The following PRDM15 variants were observed in gnomAD, a reference collection of about 807,000 sequenced individuals.
The protein encoded by PRDM15 is PR/SET domain 15.
A neutral mutation model predicts 128.6 loss-of-function variants in PRDM15; 64 were observed. The ratio of observed to expected loss-of-function variants is 0.50; its 90% CI spans 0.41 to 0.61. The LOEUF (loss-of-function observed/expected upper bound fraction) is 0.61. Ranked by LOEUF, PRDM15 falls within the 20% of genes least tolerant of loss-of-function variation. PRDM15 has a pLI of 0.00. For synonymous variants in PRDM15, 615 were observed against 621.8 expected, an observed-to-expected ratio of 0.99 and a Z score of 0.16; for missense variants, 1,242 against 1,569.1, an observed-to-expected ratio of 0.79 and a Z score of 3.52.
In PRDM15 at chr21:41,810,556, A is replaced by C. The variant is rs1482752466; in HGVS notation, c.2476+197T>G. 3.1e-6 allele frequency: 2 copies of C among 644,918 alleles called. No individual in the cohort carries two copies. Among genetic ancestry groups the C allele is most frequent in the Non-Finnish European group, 5.3e-6 (2 of 375,522 alleles). The allele number at this position is 644,918 out of a possible 1,614,324, so 39.9% of individuals were successfully genotyped here. A position where few individuals can be genotyped will look rare whatever the true frequency, so the allele number is the denominator to read the frequency against. On this transcript the variant is annotated intron_variant, in intron 20 of 23. Transcript: ENST00000398548. This position sits in a 1 kb window ranked among gnomAD's most constrained non-coding sequence, Gnocchi z 6.4. ...CTGCATCACGGAACCAATATGAGAA[A>C]ATTCAAGAAGGGATACTTGAAAGCT... is the stretch of plus-strand genomic sequence containing the variant.
At chr21:41,850,869 G>A (rs1210999114) in intron 5 of PRDM15, among the ~76,000 whole-genome samples, 1 of 152,154 alleles carries the variant, frequency 6.6e-6, no homozygotes, top group Non-Finnish European at 1.5e-5. Context: ...TTTAGAAGAC[G>A]GCGCCACTGA....
intron 17 of PRDM15, 111 bp downstream of exon 17, chr21:41,819,984 G>T: frequency 1.1e-6 from 1 of 918,888 alleles, no homozygotes; most frequent in Non-Finnish European, 1.7e-6. Context: ...AAGGCATGGG[G>T]GAGGCAAGGT....
intron 6 of PRDM15, among the ~76,000 whole-genome samples, chr21:41,842,172 A>C (rs1049540638): frequency 6.6e-6 from 1 of 152,242 alleles, no homozygotes; most frequent in Non-Finnish European, 1.5e-5. Context: ...GATATTGATA[A>C]GTCTGGCAAG....
chr21:41,859,734 A>G lies in PRDM15; in HGVS notation c.38-49T>C, dbSNP rs1018888890. 1.9e-5 allele frequency: 29 copies of G among 1,505,440 alleles called. No individual in the cohort carries two copies. The highest frequency in any genetic ancestry group is 2.7e-5 in the Non-Finnish European group (29 of 1,089,096). 93.3% of individuals were successfully genotyped at this position (1,505,440 alleles called of 1,614,324 possible). A position where few individuals can be genotyped will look rare whatever the true frequency, so the allele number is the denominator to read the frequency against. ...AGAGCACCCAGGGAGGGAGACACCT[A>G]AAGAACACAAACCTGGGAAATGGGG... On this transcript the variant is annotated intron_variant, in intron 2 of 23. Transcript: ENST00000398548. This position sits in a 1 kb window ranked among gnomAD's most constrained non-coding sequence, Gnocchi z 5.3.
Position 41,810,852 on chromosome 21 carries a change from C to A in PRDM15, c.2393-16G>T, listed in dbSNP as rs1245264463. The A allele has an allele frequency of 6.2e-7, 1 of 1,611,944 alleles. No homozygotes were observed. The highest frequency in any genetic ancestry group is 8.5e-7 in the Non-Finnish European group (1 of 1,178,224). The stretch of plus-strand genomic sequence containing the variant: ...TCTTTAATCCCTGCAGAGAAAGGCG[C>A]ACATAACTTCCTACGTTTAATGAGT... On this transcript the variant is annotated splice_polypyrimidine_tract_variant and intron_variant, in intron 19 of 23. Coordinates refer to ENST00000398548, the MANE Select transcript of PRDM15 (RefSeq NM_001040424.3). This position sits in a 1 kb window ranked among gnomAD's most constrained non-coding sequence, Gnocchi z 6.4.
At chr21:41,807,890 T>C (rs1431180206) in intron 21 of PRDM15, among the ~76,000 whole-genome samples, 1 of 152,116 alleles carries the variant, frequency 6.6e-6, no homozygotes, top group African/African-American at 2.4e-5. Context: ...CGGGTTGGGC[T>C]TGAGGGGAGT....
intron 21 of PRDM15, among the ~76,000 whole-genome samples, chr21:41,809,234 CTTTTTT>C (rs71332340): frequency 7.4e-6 from 1 of 135,726 alleles, no homozygotes. Flanking sequence ...CAAATTTTTT[CTTTTTT>C]TTTTTTTTTT....
chr21:41,831,796 A>C (rs534246254), intron 11 of PRDM15, among the ~76,000 whole-genome samples: 1 of 152,260 alleles, frequency 6.6e-6, no homozygotes, highest in Non-Finnish European at 1.5e-5. Context: ...GGCTGAACAC[A>C]GTAGAGGTGG....
chr21:41,801,206 T>C lies in PRDM15; in HGVS notation c.*34A>G, dbSNP rs1201758146. On this transcript the variant is annotated 3_prime_UTR_variant, in exon 24 of 24. Transcript: ENST00000398548. ...TCTAAACAAATCCCAAACATCCCTC[T>C]GCAGTTCTTGCCCCGAGTCTCCCGG... 3.3e-6 allele frequency: 5 copies of C among 1,504,082 alleles called. No individual in the cohort carries two copies. The highest frequency in any genetic ancestry group is 2.6e-6 in the Non-Finnish European group (3 of 1,132,452). The allele number at this position is 1,504,082 out of a possible 1,614,324, so 93.2% of individuals were successfully genotyped here.
At chr21:41,836,294 C>T (rs1321724393) in intron 9 of PRDM15, 87 bp from the exon 10 acceptor site, 9 of 1,352,154 alleles carry the variant, frequency 6.7e-6, no homozygotes, top group African/African-American at 4.3e-5. Context: ...CCCCACAAGC[C>T]GCCTCGCTCC....
At chr21:41,820,008 G>T in intron 17 of PRDM15, 87 bp downstream of exon 17, 2 of 1,146,086 alleles carry the variant, frequency 1.7e-6, no homozygotes, top group Non-Finnish European at 2.6e-6. Context: ...ACGGCTCTGT[G>T]TGTAGAATAC....
In PRDM15 at chr21:41,835,799, C is replaced by G. The variant is rs115356271; in HGVS notation, c.1279-275G>C. Among the ~76,000 whole-genome samples the G allele has an allele frequency of 3.7e-3, 562 of 152,310 alleles. 2 individuals are homozygous for G. The highest frequency in any genetic ancestry group is 0.01 in the Middle Eastern group (3 of 294). The stretch of plus-strand genomic sequence containing the variant: ...TGCGCTTGTGGGCATCTGACCAGGA[C>G]GAGGGGCTGACAGGTGGCCCAGGGA... On this transcript the variant is annotated intron_variant, in intron 10 of 23. Coordinates refer to ENST00000398548, the MANE Select transcript of PRDM15 (RefSeq NM_001040424.3).
chr21:41,840,882 A>G (rs1378776088), intron 6 of PRDM15, among the ~76,000 whole-genome samples: 1 of 152,190 alleles, frequency 6.6e-6, no homozygotes, highest in East Asian at 1.9e-4. Context: ...GGAGGCCCAA[A>G]ATAAAAACAC....
At chr21:41,873,597 C>A (rs1458569845) in intron 1 of PRDM15, among the ~76,000 whole-genome samples, 1 of 152,184 alleles carries the variant, frequency 6.6e-6, no homozygotes, top group African/African-American at 2.4e-5. Context: ...TCAACCATGC[C>A]CTTCAGCCCT....
rs778069008 is a variant in PRDM15, at chr21:41,838,077, A to T, written c.872-14T>A. On this transcript the variant is annotated splice_polypyrimidine_tract_variant and intron_variant, in intron 7 of 23. Coordinates refer to ENST00000398548, the MANE Select transcript of PRDM15 (RefSeq NM_001040424.3). ...CTGCCACTTGCTCTGTACGAAGGGG[A>T]TGTGACAAGCTAAGTAACCACAAGA... 1 of 1,612,974 alleles carries T rather than the reference A, an allele frequency of 6.2e-7. No individual in the cohort carries two copies. The highest frequency in any genetic ancestry group is 8.5e-7 in the Non-Finnish European group (1 of 1,179,546).
rs756462969 is a variant in PRDM15 at position 41,815,685 on chromosome 21, G to T, written c.2392+20C>A. 4.3e-6 allele frequency: 7 copies of T among 1,610,864 alleles called. No individual in the cohort carries two copies. Among genetic ancestry groups the T allele is most frequent in the Non-Finnish European group, 5.9e-6 (7 of 1,179,626 alleles). On this transcript the variant is annotated intron_variant, in intron 19 of 23. Transcript: ENST00000398548. ...ACACAGTGAGCGCCGTGGCTGGCGCGGCCCGGGCCTCGGACTCACCCGTGT... is the reference window on the plus strand; with the variant it reads ...ACACAGTGAGCGCCGTGGCTGGCGCTGCCCGGGCCTCGGACTCACCCGTGT...
At chr21:41,851,386 C>T (rs2063424304) in intron 5 of PRDM15, among the ~76,000 whole-genome samples, 1 of 152,214 alleles carries the variant, frequency 6.6e-6, no homozygotes, top group Non-Finnish European at 1.5e-5. Flanking sequence ...TGCATAGCTT[C>T]AGCTGGGTGA....
Position 41,828,343 on chromosome 21 carries a change from G to C in PRDM15, c.1367-10C>G. 1.9e-6 allele frequency: 3 copies of C among 1,613,586 alleles called. No homozygotes were observed. Among genetic ancestry groups the C allele is most frequent in the Non-Finnish European group, 2.5e-6 (3 of 1,179,636 alleles). ...TGGAACGTCTTGTCATCTGTCCAGA[G>C]AGCAAACAAACACACAACGATTTTG... On this transcript the variant is annotated splice_polypyrimidine_tract_variant and intron_variant, in intron 11 of 23. Transcript: ENST00000398548. The surrounding 1 kb of genome is among the most constrained non-coding windows in gnomAD (Gnocchi z 5.7).
intron 11 of PRDM15, among the ~76,000 whole-genome samples, chr21:41,831,506 C>G (rs2062690258): frequency 6.6e-6 from 1 of 152,232 alleles, no homozygotes; most frequent in South Asian, 2.1e-4. Flanking sequence ...TGGGGTGGGC[C>G]TTGGGCCTCC....
Sources: gnomAD v4.1 joint callset for allele counts (sites outside exome capture counted in the v4.1 genomes callset) on GRCh38, gnomAD v4.1.1 for gene constraint, Gnocchi (gnomAD v3.1) non-coding constraint, MANE v1.5 for transcripts, NCBI Gene and HGNC (gene_info 2026-07-23, HGNC 2026-07-21) for gene names.